LYRM4: variants seen among roughly 807,000 people sequenced by gnomAD.
LYRM4 encodes the protein LYR motif-containing protein 4.
A neutral mutation model predicts 11.7 loss-of-function variants in LYRM4; 9 were observed. The observed-to-expected ratio is 0.77, with a 90% CI of 0.46 to 1.34. The LOEUF (loss-of-function observed/expected upper bound fraction) is 1.34. Among genes scored for constraint, LYRM4 ranks in the 40% most tolerant of loss-of-function variants. The probability of loss-of-function intolerance (pLI) is 0.00; values close to 1 mark genes in which losing one functional copy is unlikely to be tolerated. For synonymous variants in LYRM4, 42 were observed against 40.4 expected, an observed-to-expected ratio of 1.04 and a Z score of -0.15; for missense variants, 133 against 112.5, an observed-to-expected ratio of 1.18 and a Z score of -0.82.
the LYRM4 span, among the ~76,000 whole-genome samples, chr6:5,057,933 G>A: frequency 1.3e-5 from 2 of 151,904 alleles, no homozygotes; most frequent in African/African-American, 4.8e-5. Context: ...CTTATTTTTT[G>A]TAGAGATGGG....
At chr6:5,044,784 G>A in the LYRM4 span, among the ~76,000 whole-genome samples, 3 of 152,206 alleles carry the variant, frequency 2.0e-5, no homozygotes, top group Non-Finnish European at 4.4e-5. Flanking sequence ...AGAAACACTA[G>A]CAGTCTGCCC....
At chr6:5,120,519 A>G (rs1027301095) in intron 2 of LYRM4, among the ~76,000 whole-genome samples, 1 of 152,108 alleles carries the variant, frequency 6.6e-6, no homozygotes, top group Non-Finnish European at 1.5e-5. Context: ...TATTGTGGAG[A>G]GCGAAGGAAC....
chr6:5,068,445 G>C, the LYRM4 span, among the ~76,000 whole-genome samples: 5 of 147,286 alleles, frequency 3.4e-5, no homozygotes, highest in South Asian at 1.1e-3. The surrounding 1 kb of genome is among the most constrained non-coding windows in gnomAD (Gnocchi z 4.0). Context: ...TTGATCATGG[G>C]TGAGCGCAAA....
chr6:5,153,322 C>T (rs1581390768), intron 2 of LYRM4, among the ~76,000 whole-genome samples: 1 of 152,150 alleles, frequency 6.6e-6, no homozygotes, highest in East Asian at 1.9e-4. Context: ...AACTCCTGAC[C>T]TCAAGTGACC....
chr6:5,196,137 C>T (rs556555931), intron 2 of LYRM4, among the ~76,000 whole-genome samples: 3 of 152,294 alleles, frequency 2.0e-5, no homozygotes, highest in South Asian at 2.1e-4. Context: ...GCTGGGGCAA[C>T]GTGGCTCCGA....
chr6:5,097,780 A>G, the LYRM4 span, among the ~76,000 whole-genome samples: 1 of 152,202 alleles, frequency 6.6e-6, no homozygotes, highest in African/African-American at 2.4e-5. Context: ...CAATGAAGGG[A>G]GACAAATATT....
chr6:5,149,294 C>G (rs1049962979), intron 2 of LYRM4, among the ~76,000 whole-genome samples: 1 of 152,192 alleles, frequency 6.6e-6, no homozygotes, highest in East Asian at 1.9e-4. Context: ...AACAGAAAGA[C>G]CTCACAGGAG....
the LYRM4 span, among the ~76,000 whole-genome samples, chr6:5,079,590 G>A: frequency 7.7e-4 from 118 of 152,356 alleles, 1 homozygote; most frequent in Non-Finnish European, 8.1e-4. Context: ...CTTGGTGGAT[G>A]TGAAGAGAAA....
the LYRM4 span, among the ~76,000 whole-genome samples, chr6:5,078,520 T>C: frequency 3.3e-5 from 5 of 152,206 alleles, no homozygotes; most frequent in African/African-American, 1.2e-4. Context: ...TCAGCTGTAC[T>C]AGATGTCATT....
intron 2 of LYRM4, among the ~76,000 whole-genome samples, chr6:5,131,757 G>A (rs1581341095): frequency 6.6e-6 from 1 of 152,140 alleles, no homozygotes; most frequent in Non-Finnish European, 1.5e-5. Context: ...TTTCAAATTA[G>A]CTGCCACAGA....
chr6:5,058,425 C>T, the LYRM4 span, among the ~76,000 whole-genome samples: 1 of 152,204 alleles, frequency 6.6e-6, no homozygotes, highest in Non-Finnish European at 1.5e-5. Flanking sequence ...TCCACTTCCA[C>T]ACCAGCCATC....
At chr6:5,056,859 A>G in the LYRM4 span, among the ~76,000 whole-genome samples, 1 of 152,220 alleles carries the variant, frequency 6.6e-6, no homozygotes, top group Non-Finnish European at 1.5e-5. Flanking sequence ...TGTTCAAGTA[A>G]AAAATAATGT....
At chr6:5,123,744 C>G (rs553910077) in intron 2 of LYRM4, among the ~76,000 whole-genome samples, 2 of 152,338 alleles carry the variant, frequency 1.3e-5, no homozygotes, top group South Asian at 4.1e-4. Flanking sequence ...CACGGCAGTT[C>G]AGTATTTTGA....
chr6:5,253,864 G>C (rs1764549411), intron 1 of LYRM4, among the ~76,000 whole-genome samples: 1 of 151,178 alleles, frequency 6.6e-6, no homozygotes, highest in African/African-American at 2.4e-5. Flanking sequence ...GTTTTGAAGT[G>C]TTGTCTTCTC....
At chr6:5,084,504 T>G in the LYRM4 span, 24,939 of 151,842 alleles carry the variant, frequency 0.16, 3,696 homozygotes, top group African/African-American at 0.4. Flanking sequence ...CCCTGCGGGA[T>G]CCCGGGGCGC....
At chr6:5,145,257 G>C (rs1303419667) in intron 2 of LYRM4, among the ~76,000 whole-genome samples, 4 of 152,142 alleles carry the variant, frequency 2.6e-5, no homozygotes, top group African/African-American at 9.7e-5. Context: ...TTCTCATTTA[G>C]AACAAAGGAG....
chr6:5,246,855 A>T (rs1764220207), intron 1 of LYRM4, among the ~76,000 whole-genome samples: 1 of 152,064 alleles, frequency 6.6e-6, no homozygotes, highest in African/African-American at 2.4e-5. Context: ...GGAAACAGAG[A>T]CTTGGGAGTA....
intron 2 of LYRM4, among the ~76,000 whole-genome samples, chr6:5,178,050 T>A (rs1169388646): frequency 6.6e-6 from 1 of 152,170 alleles, no homozygotes; most frequent in Admixed American, 6.5e-5. Context: ...TGTCTTCCCC[T>A]AAGAGTGTCA....
At chr6:5,159,551 G>T (rs1341846425) in intron 2 of LYRM4, among the ~76,000 whole-genome samples, 1 of 152,202 alleles carries the variant, frequency 6.6e-6, no homozygotes, top group Non-Finnish European at 1.5e-5. Context: ...AGTATTTTTA[G>T]TGGTCCTTTA....
Sources: gnomAD v4.1 joint callset for allele counts (sites outside exome capture counted in the v4.1 genomes callset) on GRCh38, gnomAD v4.1.1 for gene constraint, Gnocchi (gnomAD v3.1) non-coding constraint, MANE v1.5 for transcripts, NCBI Gene and HGNC (gene_info 2026-07-23, HGNC 2026-07-21) for gene names.